ZNF227: variants seen among roughly 807,000 people sequenced by gnomAD.
The protein encoded by ZNF227 is zinc finger protein 227.
ZNF227 carries 12 observed loss-of-function variants against 13.2 expected under a neutral mutation model. The observed-to-expected ratio is 0.91, with a 90% CI of 0.58 to 1.47. The LOEUF (loss-of-function observed/expected upper bound fraction) is 1.47, where lower values mean the gene tolerates loss of function less well. Ranked by LOEUF, ZNF227 falls within the 40% of genes most tolerant of loss-of-function variation. The pLI is 0.00. For missense variants in ZNF227, 885 were observed against 967.5 expected (o/e 0.91, Z 1.13); for synonymous variants, 338 against 326.0 (o/e 1.04, Z -0.40).
At position 44,235,503 on chromosome 19, in the gene ZNF227, G is replaced by T. The variant is rs758152298; in HGVS notation, c.1073G>T (p.Gly358Val). The change falls in exon 6 of 6, where the codon GGT becomes GTT. Residue 358 changes from glycine to valine, a missense_variant. Coordinates refer to ENST00000313040, the MANE Select transcript of ZNF227 (RefSeq NM_182490.3). The stretch of plus-strand genomic sequence containing the variant: ...AAACCCTATAAATGCGAGGAATGTG[G>T]TAAATGCTTTAGTCAAAGTTCAAAT... ...GEKPYKCEEC[G>V]KCFSQSSNFQ... 9 of 1,614,142 alleles carry T rather than the reference G, an allele frequency of 5.6e-6. No individual in the cohort carries two copies. The highest frequency in any genetic ancestry group is 7.6e-6 in the Non-Finnish European group (9 of 1,180,030).
intron 3 of ZNF227, 112 bp downstream of exon 3, chr19:44,217,964 TGTG>T (rs1972072791): frequency 8.4e-7 from 1 of 1,187,420 alleles, no homozygotes; most frequent in Non-Finnish European, 1.2e-6. Context: ...ATTCAGGACA[TGTG>T]GTATGCTGAC....
Position 44,235,465 on chromosome 19 carries a change from T to C in ZNF227, c.1035T>C (p.Thr345=), listed in dbSNP as rs1339453005. 6.2e-7 allele frequency: 1 copy of C among 1,614,036 alleles called. No homozygotes were observed. The highest frequency in any genetic ancestry group is 1.3e-5 in the African/African-American group (1 of 75,022). The change falls in exon 6 of 6, where the codon ACT becomes ACC. Residue 345 remains threonine, a synonymous_variant. Coordinates refer to ENST00000313040, the MANE Select transcript of ZNF227 (RefSeq NM_182490.3). ...SSTGLIIHYR[T]HTGEKPYKCE... is the part of the protein sequence containing the mutation. ...CGGGTCTTATCATTCATTACAGAAC[T>C]CATACTGGAGAGAAACCCTATAAAT... is the stretch of plus-strand genomic sequence containing the variant.
chr19:44,225,106 T>C (rs2122788082), intron 3 of ZNF227, among the ~76,000 whole-genome samples: 2 of 152,158 alleles, frequency 1.3e-5, no homozygotes, highest in South Asian at 4.2e-4. Flanking sequence ...CCCACTCTCT[T>C]CTGGCTTGTA....
At chr19:44,233,174 A>G (rs1294428347) in intron 5 of ZNF227, among the ~76,000 whole-genome samples, 1 of 151,832 alleles carries the variant, frequency 6.6e-6, no homozygotes. Context: ...TTGGTAAACC[A>G]CCCCCTAAAC....
At chr19:44,223,722 G>A (rs1972798391) in intron 3 of ZNF227, among the ~76,000 whole-genome samples, 1 of 151,976 alleles carries the variant, frequency 6.6e-6, no homozygotes, top group Non-Finnish European at 1.5e-5. Flanking sequence ...CCAGCTCCTG[G>A]ATTCATTAAT....
At chr19:44,233,864 C>T (rs1409091171) in intron 5 of ZNF227, among the ~76,000 whole-genome samples, 6 of 152,082 alleles carry the variant, frequency 3.9e-5, no homozygotes, top group Admixed American at 1.3e-4. Context: ...CACTGCACTC[C>T]AGCCTGGGCG....
rs1972050015 is a variant in ZNF227, at chr19:44,217,800, C to T, written c.8C>T (p.Ser3Phe). Reference protein sequence around the residue: MPSQNYDLPQKKQ... With the variant: MPFQNYDLPQKKQ... ...CTTTGGTCTCCCCCAGTTATGCCAT[C>T]TCAGAACTATGACCTTCCCCAGAAG... is the stretch of plus-strand genomic sequence containing the variant. Residue 3 changes from serine to phenylalanine, a missense_variant, in exon 3 of 6, where the codon TCT becomes TTT. Physicochemically the swap from Ser to Phe is radical, Grantham distance 155. Coordinates refer to ENST00000313040, the MANE Select transcript of ZNF227 (RefSeq NM_182490.3). The T allele has an allele frequency of 6.2e-7, 1 of 1,614,228 alleles. No individual in the cohort carries two copies. Among genetic ancestry groups the T allele is most frequent in the South Asian group, 1.1e-5 (1 of 91,084 alleles).
rs1213831484 is a variant in ZNF227 at position 44,234,848 on chromosome 19, C to A, written c.418C>A (p.Gln140Lys). 1 of 1,614,060 alleles carries A rather than the reference C, an allele frequency of 6.2e-7. No homozygotes were observed. The change falls in exon 6 of 6, where the codon CAA (glutamine) becomes AAA (lysine). Residue 140 changes from glutamine (Q) to lysine (K), a missense_variant. By Grantham distance (53) the Gln-to-Lys change is moderately conservative (BLOSUM62 1). Coordinates refer to ENST00000313040, the MANE Select transcript of ZNF227 (RefSeq NM_182490.3). ...TCAGGGGAAGAGTTCCCAGTTATTACAAGGTGACTCTATTCAGGTTTCTGA... is the reference window on the plus strand; with the variant it reads ...TCAGGGGAAGAGTTCCCAGTTATTAAAAGGTGACTCTATTCAGGTTTCTGA... The part of the protein sequence containing the change: ...CLQGKSSQLL[Q>K]GDSIQVSENE...
In ZNF227 at chr19:44,234,739, A is replaced by T; in HGVS notation, c.309A>T (p.Lys103Asn). The T allele has an allele frequency of 6.3e-7, 1 of 1,598,572 alleles. No homozygotes were observed. The highest frequency in any genetic ancestry group is 8.5e-7 in the Non-Finnish European group (1 of 1,176,186). The change falls in exon 6 of 6, where the codon AAA (lysine) becomes AAT (asparagine). Residue 103 changes from lysine (K) to asparagine (N), a missense_variant. Coordinates refer to ENST00000313040, the MANE Select transcript of ZNF227 (RefSeq NM_182490.3). ...KHQNKMETLQ[K>N]FALKYLSNQE... ...AAAATAAGATGGAAACACTCCAAAA[A>T]TTTGCATTAAAATACCTTTCAAATC...
intron 2 of ZNF227, among the ~76,000 whole-genome samples, chr19:44,214,042 A>G (rs767273264): frequency 2.6e-5 from 4 of 152,206 alleles, no homozygotes; most frequent in Non-Finnish European, 4.4e-5. Flanking sequence ...AAAATGTAAG[A>G]TGGCTCATTG....
chr19:44,212,371 TTTTTTTG>T (rs1189708199), upstream of ZNF227, among the ~76,000 whole-genome samples: 2 of 101,972 alleles, frequency 2.0e-5, no homozygotes, highest in African/African-American at 7.6e-5. Flanking sequence ...GCTCCGTTTT[TTTTTTTG>T]TTTTTTTTTT....
At chr19:44,219,734 CTT>C (rs1049847382) in intron 3 of ZNF227, among the ~76,000 whole-genome samples, 1 of 145,992 alleles carries the variant, frequency 6.8e-6, no homozygotes, top group Non-Finnish European at 1.5e-5. Context: ...GCTTTCAAAA[CTT>C]TTTTTTTTGG....
rs1974364744 is a variant in ZNF227 at position 44,235,555 on chromosome 19, T to TGAA, written c.1129_1131dup (p.Glu377dup). ...TTCAGTGCCATCAGAGAGTCCACAC[T>TGAA]GAAGAAAAACCATACAAATGCGAAG... On this transcript the variant is annotated inframe_insertion, in exon 6 of 6. Coordinates refer to ENST00000313040, the MANE Select transcript of ZNF227 (RefSeq NM_182490.3). The TGAA allele has an allele frequency of 1.2e-6, 2 of 1,613,964 alleles. No individual in the cohort carries two copies. The highest frequency in any genetic ancestry group is 1.7e-6 in the Non-Finnish European group (2 of 1,180,022).
At chr19:44,215,706 G>C (rs1039306573) in intron 2 of ZNF227, among the ~76,000 whole-genome samples, 13 of 152,110 alleles carry the variant, frequency 8.5e-5, no homozygotes, top group African/African-American at 3.1e-4. Context: ...AAGAAGATGG[G>C]GCCAGGTGCG....
intron 5 of ZNF227, among the ~76,000 whole-genome samples, chr19:44,232,888 C>T (rs1973992458): frequency 1.3e-5 from 2 of 152,042 alleles, no homozygotes; most frequent in Admixed American, 1.3e-4. Flanking sequence ...CCAGGCTGGT[C>T]TCGAACTCCT....
chr19:44,210,630 C>T (rs903417590), upstream of ZNF227, among the ~76,000 whole-genome samples: 2 of 152,124 alleles, frequency 1.3e-5, no homozygotes, highest in Admixed American at 1.3e-4. Context: ...AGAAGGAACA[C>T]CAAATACAAA....
chr19:44,223,821 A>T (rs902090887), intron 3 of ZNF227, among the ~76,000 whole-genome samples: 72 of 151,092 alleles, frequency 4.8e-4, no homozygotes, highest in Non-Finnish European at 8.0e-4. Flanking sequence ...TGAATGTGTT[A>T]GCTCTTGCTT....
At chr19:44,229,138 C>T (rs930067938) in intron 4 of ZNF227, 1 of 152,780 alleles carries the variant, frequency 6.5e-6, no homozygotes. Context: ...TCAGGAACTG[C>T]TCACATTGCA....
chr19:44,228,499 A>G lies in ZNF227; in HGVS notation c.114A>G (p.Arg38=). The change falls in exon 4 of 6, where the codon CGA becomes CGG. Residue 38 remains arginine (R), a synonymous_variant. Transcript: ENST00000313040. Reference sequence around the variant, plus strand: ...TGGTCTTCTCCAGGGAGGAACTGCGACTGCTCGATCTTACCCAGAGGAAGC... The same window carrying G: ...TGGTCTTCTCCAGGGAGGAACTGCGGCTGCTCGATCTTACCCAGAGGAAGC... ...VAVVFSREEL[R]LLDLTQRKLY... is the part of the protein sequence containing the mutation. 1 of 1,613,932 alleles carries G rather than the reference A, an allele frequency of 6.2e-7. No homozygotes were observed. Among genetic ancestry groups the G allele is most frequent in the Middle Eastern group, 1.6e-4 (1 of 6,062 alleles).
Sources: gnomAD v4.1 joint callset for allele counts (sites outside exome capture counted in the v4.1 genomes callset) on GRCh38, gnomAD v4.1.1 for gene constraint, MANE v1.5 for transcripts, NCBI Gene and HGNC (gene_info 2026-07-23, HGNC 2026-07-21) for gene names.